TRPS1: variants seen among roughly 807,000 people sequenced by gnomAD.
The protein encoded by TRPS1 is zinc finger transcription factor Trps1.
A neutral mutation model predicts 101.2 loss-of-function variants in TRPS1; 6 were observed. The ratio of observed to expected loss-of-function variants is 0.06; its 90% CI spans 0.03 to 0.12. The LOEUF (loss-of-function observed/expected upper bound fraction) is 0.12. TRPS1 is among the 10% of genes least tolerant of loss of function. TRPS1 has a pLI of 1.00. For missense variants in TRPS1, 1,363 were observed against 1,567.0 expected, an observed-to-expected ratio of 0.87 and a Z score of 2.20; for synonymous variants, 578 against 589.8, an observed-to-expected ratio of 0.98 and a Z score of 0.29.
At chr8:115,433,437 T>C (rs1338894977) in intron 5 of TRPS1, among the ~76,000 whole-genome samples, 1 of 152,068 alleles carries the variant, frequency 6.6e-6, no homozygotes, top group Non-Finnish European at 1.5e-5. Context: ...TGCAACTAAA[T>C]AATATTTAGT....
intron 5 of TRPS1, among the ~76,000 whole-genome samples, chr8:115,550,611 C>T (rs1394515599): frequency 6.6e-6 from 1 of 152,172 alleles, no homozygotes. Flanking sequence ...AAGTAGTGAC[C>T]TCTCTGGTAC....
chr8:115,513,171 C>T (rs1815625333), intron 5 of TRPS1, among the ~76,000 whole-genome samples: 1 of 151,732 alleles, frequency 6.6e-6, no homozygotes, highest in South Asian at 2.1e-4. Context: ...TTAAATTGAA[C>T]TTTTGTAAAT....
intron 5 of TRPS1, among the ~76,000 whole-genome samples, chr8:115,477,617 C>A (rs140419022): frequency 2.2e-3 from 333 of 152,276 alleles, no homozygotes; most frequent in African/African-American, 7.8e-3. Context: ...AGCTTAGACT[C>A]ATAATGTTAG....
chr8:115,544,309 A>G (rs143487201), intron 5 of TRPS1, among the ~76,000 whole-genome samples: 3 of 151,894 alleles, frequency 2.0e-5, no homozygotes, highest in East Asian at 1.9e-4. Flanking sequence ...TAGCATTACT[A>G]TGAGGATTTA....
chr8:115,591,323 C>A (rs1307227150), intron 4 of TRPS1, among the ~76,000 whole-genome samples: 1 of 152,076 alleles, frequency 6.6e-6, no homozygotes, highest in Non-Finnish European at 1.5e-5. Flanking sequence ...TCAATGTCTA[C>A]TGATTCTGAA....
At chr8:115,505,518 A>G (rs1198108411) in intron 5 of TRPS1, among the ~76,000 whole-genome samples, 1 of 152,160 alleles carries the variant, frequency 6.6e-6, no homozygotes, top group Non-Finnish European at 1.5e-5. Context: ...TATCTTCTGT[A>G]ACAGGTGTTA....
intron 3 of TRPS1, among the ~76,000 whole-genome samples, chr8:115,608,230 A>T (rs1485680126): frequency 1.3e-5 from 2 of 152,188 alleles, no homozygotes; most frequent in African/African-American, 4.8e-5. Context: ...CAGAACTTTA[A>T]TTATAACCCT....
chr8:115,448,187 C>T (rs1444496079), intron 5 of TRPS1, among the ~76,000 whole-genome samples: 1 of 152,180 alleles, frequency 6.6e-6, no homozygotes, highest in East Asian at 1.9e-4. Flanking sequence ...AGACTGCAAA[C>T]AGACATCAGG....
intron 5 of TRPS1, among the ~76,000 whole-genome samples, chr8:115,502,103 G>T (rs1189748441): frequency 6.6e-6 from 1 of 152,120 alleles, no homozygotes; most frequent in Non-Finnish European, 1.5e-5. Flanking sequence ...AGCTAAAAAT[G>T]AATCATCAGG....
chr8:115,496,334 T>C (rs751202006), intron 5 of TRPS1, among the ~76,000 whole-genome samples: 11 of 152,162 alleles, frequency 7.2e-5, no homozygotes, highest in Non-Finnish European at 1.5e-4. Flanking sequence ...ATAAAGACCA[T>C]TGTGTTATGG....
chr8:115,437,702 G>T (rs538270978), intron 5 of TRPS1, among the ~76,000 whole-genome samples: 1 of 152,066 alleles, frequency 6.6e-6, no homozygotes, highest in South Asian at 2.1e-4. Context: ...AATAGGATTG[G>T]GGGGGCAGGG....
intron 1 of TRPS1, among the ~76,000 whole-genome samples, chr8:115,650,149 T>A (rs1310982179): frequency 6.6e-6 from 1 of 152,202 alleles, no homozygotes. Flanking sequence ...AACCCCTACT[T>A]ATTAACTAGC....
intron 5 of TRPS1, among the ~76,000 whole-genome samples, chr8:115,487,791 C>CA (rs1329369257): frequency 6.6e-6 from 1 of 151,708 alleles, no homozygotes; most frequent in Non-Finnish European, 1.5e-5. Flanking sequence ...TATGGATGAG[C>CA]AAAAAAAGTG....
intron 3 of TRPS1, among the ~76,000 whole-genome samples, chr8:115,615,679 T>C (rs1818262024): frequency 6.6e-6 from 1 of 152,248 alleles, no homozygotes; most frequent in South Asian, 2.1e-4. Flanking sequence ...GAGAATAACT[T>C]GAACCTGGGA....
At chr8:115,481,267 C>T (rs1382616658) in intron 5 of TRPS1, among the ~76,000 whole-genome samples, 1 of 151,984 alleles carries the variant, frequency 6.6e-6, no homozygotes, top group Non-Finnish European at 1.5e-5. Flanking sequence ...AAGAAGCAAA[C>T]GCAAACTAGC....
At chr8:115,467,420 T>C (rs1478052055) in intron 5 of TRPS1, among the ~76,000 whole-genome samples, 1 of 151,586 alleles carries the variant, frequency 6.6e-6, no homozygotes, top group African/African-American at 2.4e-5. Context: ...GGAAGCAATT[T>C]GACCTTTTGT....
chr8:115,517,020 A>C (rs1324702650), intron 5 of TRPS1, among the ~76,000 whole-genome samples: 1 of 151,284 alleles, frequency 6.6e-6, no homozygotes, highest in Admixed American at 6.6e-5. Flanking sequence ...CCTTTTCCGG[A>C]GTCTTTGATA....
chr8:115,558,147 AT>A (rs1816867972), intron 5 of TRPS1, among the ~76,000 whole-genome samples: 2 of 152,202 alleles, frequency 1.3e-5, no homozygotes, highest in South Asian at 4.1e-4. Context: ...ATTGTATATT[AT>A]TCTTCAAATT....
intron 5 of TRPS1, among the ~76,000 whole-genome samples, chr8:115,475,269 TA>T (rs1814573584): frequency 7.4e-4 from 9 of 12,136 alleles, no homozygotes; most frequent in East Asian, 0.018. Flanking sequence ...ATCACAGTTA[TA>T]TATATATATA....
Sources: gnomAD v4.1 joint callset for allele counts (sites outside exome capture counted in the v4.1 genomes callset) on GRCh38, gnomAD v4.1.1 for gene constraint, MANE v1.5 for transcripts, NCBI Gene and HGNC (gene_info 2026-07-23, HGNC 2026-07-21) for gene names.